Variants in PLEKHG1 observed in about 807,000 individuals in gnomAD.
PLEKHG1 encodes pleckstrin homology and RhoGEF domain containing G1.
PLEKHG1 carries 44 observed loss-of-function variants against 100.8 expected under a neutral mutation model. That is an observed-to-expected ratio of 0.44 (90% CI 0.34 to 0.56). PLEKHG1 has a LOEUF of 0.56. Among genes scored for constraint, PLEKHG1 ranks in the 20% least tolerant of loss-of-function variants. The pLI is 0.01. For synonymous variants in PLEKHG1, 640 were observed against 662.5 expected, an observed-to-expected ratio of 0.97 and a Z score of 0.52; for missense variants, 1,545 against 1,720.9, an observed-to-expected ratio of 0.90 and a Z score of 1.81.
intron 2 of PLEKHG1, among the ~76,000 whole-genome samples, chr6:150,763,592 C>T (rs1280161815): frequency 6.6e-6 from 1 of 152,138 alleles, no homozygotes; most frequent in Admixed American, 6.5e-5. Context: ...GGTACCAAAC[C>T]TCAGAACAGC....
intron 4 of PLEKHG1, among the ~76,000 whole-genome samples, chr6:150,795,063 C>T (rs1583145422): frequency 6.6e-6 from 1 of 151,654 alleles, no homozygotes; most frequent in East Asian, 1.9e-4. Context: ...AATGTGAAAC[C>T]CCACCAAAAT....
At chr6:150,666,839 C>T (rs915849449) in intron 3 of PLEKHG1, among the ~76,000 whole-genome samples, 10 of 151,768 alleles carry the variant, frequency 6.6e-5, no homozygotes, top group African/African-American at 2.4e-4. Flanking sequence ...CGGCTCACTG[C>T]AATCTCCGCC....
At chr6:150,670,072 C>T (rs1462336215) in intron 3 of PLEKHG1, among the ~76,000 whole-genome samples, 1 of 152,132 alleles carries the variant, frequency 6.6e-6, no homozygotes, top group Non-Finnish European at 1.5e-5. Context: ...TTAATTTTTA[C>T]CCTTGGTCCT....
chr6:150,601,679 T>A (rs1348125576), intron 1 of PLEKHG1, among the ~76,000 whole-genome samples: 1 of 152,138 alleles, frequency 6.6e-6, no homozygotes, highest in Admixed American at 6.5e-5. Context: ...CTCAAATAGG[T>A]CATCAGTAGC....
chr6:150,726,108 G>C (rs1781952029), intron 1 of PLEKHG1, among the ~76,000 whole-genome samples: 1 of 152,146 alleles, frequency 6.6e-6, no homozygotes, highest in African/African-American at 2.4e-5. Context: ...TTGCCAGGGA[G>C]TGGGGAGAGG....
At chr6:150,765,262 G>A (rs1208366044) in intron 2 of PLEKHG1, among the ~76,000 whole-genome samples, 2 of 152,092 alleles carry the variant, frequency 1.3e-5, no homozygotes, top group Non-Finnish European at 2.9e-5. Flanking sequence ...GGAGGCCAAG[G>A]CAAGTGGATC....
At chr6:150,762,824 C>T (rs1201372170) in intron 2 of PLEKHG1, among the ~76,000 whole-genome samples, 1 of 152,130 alleles carries the variant, frequency 6.6e-6, no homozygotes, top group Non-Finnish European at 1.5e-5. Context: ...CTATAGGCTA[C>T]AGCAGGACAT....
Position 150,750,630 on chromosome 6 carries a change from A to C in PLEKHG1, c.411+16538A>C, listed in dbSNP as rs376498805. 4.0e-5 allele frequency among the ~76,000 whole-genome samples: 6 copies of C among 151,458 alleles called. No homozygotes were observed. In the South Asian group the frequency reaches 6.3e-4, roughly 16 times the overall value. On this transcript the variant is annotated intron_variant, in intron 2 of 15. Coordinates refer to ENST00000358517, the Ensembl canonical transcript of PLEKHG1. ...CCCGTCTCTACTAAAAATACAAAAA[A>C]ATTAGCCGGGCGTAGTGGCGGGCGC... is the stretch of plus-strand genomic sequence containing the variant.
chr6:150,777,911 C>T (rs1049182103), intron 3 of PLEKHG1, among the ~76,000 whole-genome samples: 1 of 152,276 alleles, frequency 6.6e-6, no homozygotes, highest in Non-Finnish European at 1.5e-5. Flanking sequence ...TAGAATCATC[C>T]CGTGTCTGGT....
rs1438142892 is a variant in PLEKHG1 at position 150,831,603 on chromosome 6, T to A, written c.2492T>A (p.Leu831Gln). The A allele has an allele frequency of 6.2e-7, 1 of 1,614,152 alleles. No individual in the cohort carries two copies. The highest frequency in any genetic ancestry group is 8.5e-7 in the Non-Finnish European group (1 of 1,180,030). The change falls in exon 15 of 16, where the codon CTG becomes CAG. Residue 831 changes from leucine to glutamine, a missense_variant. By Grantham distance (113) the Leu-to-Gln change is moderately radical (BLOSUM62 -2). Transcript: ENST00000358517. This position sits in a 1 kb window ranked among gnomAD's most constrained non-coding sequence, Gnocchi z 4.1. ...CCTCATAAGCCTGTATCTGATAAACTGTCCGAAGAAGTAGATGAAATCTGG... is the reference window on the plus strand; with the variant it reads ...CCTCATAAGCCTGTATCTGATAAACAGTCCGAAGAAGTAGATGAAATCTGG...
chr6:150,643,083 CAGAG>C lies in PLEKHG1; in HGVS notation c.-158+4962_-158+4965del, dbSNP rs544749032. On this transcript the variant is annotated intron_variant, in intron 2 of 3. Transcript: ENST00000367326. The stretch of plus-strand genomic sequence containing the variant: ...CCGTCTTTGCTGTAAGTATGAAAAA[CAGAG>C]AGACATACCAAGGAATATGAGGAAG... Among the ~76,000 whole-genome samples the C allele has an allele frequency of 2.6e-5, 4 of 152,278 alleles. No individual in the cohort carries two copies. The South Asian group carries it at 6.2e-4, about 24-fold the overall frequency.
At chr6:150,627,530 A>G (rs891931103) in intron 1 of PLEKHG1, among the ~76,000 whole-genome samples, 3 of 152,120 alleles carry the variant, frequency 2.0e-5, no homozygotes, top group African/African-American at 7.2e-5. Context: ...CAACACCAAC[A>G]TCATTTTTGA....
rs1775972321 is a variant in PLEKHG1 at position 150,816,567 on chromosome 6, G to T, written c.1279-1616G>T. Among the ~76,000 whole-genome samples the T allele has an allele frequency of 2.0e-5, 3 of 151,742 alleles. No homozygotes were observed. In the South Asian group the frequency reaches 6.2e-4, roughly 32 times the overall value. On this transcript the variant is annotated intron_variant, in intron 10 of 15. Transcript: ENST00000358517. ...TCTTGAACTCCTGACCTCGTGATCT[G>T]CCCGCCTCAGCCTCTCAAAGTGCTG...
At chr6:150,658,091 G>A (rs928922693) in intron 3 of PLEKHG1, among the ~76,000 whole-genome samples, 54 of 152,138 alleles carry the variant, frequency 3.5e-4, no homozygotes, top group Non-Finnish European at 8.8e-5. Context: ...CCTCCCCTCC[G>A]CCTTGTCTCC....
At chr6:150,740,089 C>G (rs1017369455) in intron 2 of PLEKHG1, among the ~76,000 whole-genome samples, 3 of 152,230 alleles carry the variant, frequency 2.0e-5, no homozygotes, top group African/African-American at 7.2e-5. Context: ...GATTCAGGCC[C>G]AGAGAGCTTG....
Position 150,666,729 on chromosome 6 carries a change from C to A in PLEKHG1, c.-99+15943C>A, listed in dbSNP as rs138442433. Among the ~76,000 whole-genome samples, 422 of 151,982 alleles carry A rather than the reference C, an allele frequency of 2.8e-3. 2 individuals are homozygous for A. Among genetic ancestry groups the A allele is most frequent in the African/African-American group, 8.8e-3 (364 of 41,478 alleles). The stretch of plus-strand genomic sequence containing the variant: ...ATCAAGATATCTTGCCTTCTAGCTT[C>A]ATACAGTTGCCATCATACCAGCTGC... On this transcript the variant is annotated intron_variant, in intron 3 of 3. Coordinates refer to the PLEKHG1 transcript ENST00000367326.
At position 150,819,829 on chromosome 6, in the gene PLEKHG1, G is replaced by A. The variant is rs1360933788; in HGVS notation, c.1408+55G>A. ...TTCTAATGGGGGACTGGCAATGAAA[G>A]TCCCTTTGAGTCTGACAAAAGGGAA... On this transcript the variant is annotated intron_variant, in intron 12 of 15. Transcript: ENST00000358517. 4 of 949,290 alleles carry A rather than the reference G, an allele frequency of 4.2e-6. No individual in the cohort carries two copies. In the Admixed American group the frequency reaches 5.1e-5, roughly 12 times the overall value. The allele number at this position is 949,290 out of a possible 1,614,324, so 58.8% of individuals were successfully genotyped here.
intron 1 of PLEKHG1, among the ~76,000 whole-genome samples, chr6:150,631,741 A>C (rs1777760355): frequency 6.6e-6 from 1 of 152,186 alleles, no homozygotes; most frequent in African/African-American, 2.4e-5. Flanking sequence ...GCTTCAGAGC[A>C]TCCGTAGAGC....
chr6:150,831,840 C>T lies in PLEKHG1; in HGVS notation c.2729C>T (p.Ala910Val). 1 of 1,612,160 alleles carries T rather than the reference C, an allele frequency of 6.2e-7. No homozygotes were observed. The highest frequency in any genetic ancestry group is 8.5e-7 in the Non-Finnish European group (1 of 1,178,856). ...CCCGTGAAGAGCAGGGCTGGCAGAG[C>T]CAGCCGCGCCAACTGCCCCTTTGAG... Residue 910 changes from alanine to valine, a missense_variant, in exon 15 of 16, where the codon GCC (alanine) becomes GTC (valine). Coordinates refer to ENST00000358517, the Ensembl canonical transcript of PLEKHG1. The surrounding 1 kb of genome is among the most constrained non-coding windows in gnomAD (Gnocchi z 4.1).
Sources: allele counts gnomAD v4.1 joint callset (sites outside exome capture counted in the v4.1 genomes callset), GRCh38; gene constraint gnomAD v4.1.1; non-coding constraint Gnocchi (gnomAD v3.1); transcripts MANE v1.5; gene names NCBI Gene and HGNC (gene_info 2026-07-23, HGNC 2026-07-21).